Variants in MGAT4C observed in about 807,000 individuals in gnomAD.
MGAT4C encodes the protein alpha-1,3-mannosyl-glycoprotein 4-beta-N-acetylglucosaminyltransferase C.
In MGAT4C, 19 loss-of-function variants were observed where a neutral mutation model predicts 40.1. The observed-to-expected ratio is 0.47, with a 90% CI of 0.33 to 0.70. The LOEUF (loss-of-function observed/expected upper bound fraction) is 0.70, where lower values mean the gene tolerates loss of function less well. Among genes scored for constraint, MGAT4C ranks in the 30% least tolerant of loss-of-function variants. The pLI, the probability that MGAT4C is intolerant of heterozygous loss-of-function variation, is 0.02. For synonymous variants in MGAT4C, 181 were observed against 187.1 expected, an observed-to-expected ratio of 0.97 and a Z score of 0.27; for missense variants, 491 against 563.2, an observed-to-expected ratio of 0.87 and a Z score of 1.30.
At position 86,484,450 on chromosome 12, in the gene MGAT4C, C is replaced by T. The variant is rs113485411; in HGVS notation, c.-228-49185G>A. On this transcript the variant is annotated intron_variant, in intron 2 of 7. Coordinates refer to the MGAT4C transcript ENST00000548651. ...TATGTGCACAGTACAGCCTCTGCTG[C>T]CCAACCTGGTGCTTTGCCTGCAGTC... Among the ~76,000 whole-genome samples the T allele has an allele frequency of 3.3e-3, 501 of 152,358 alleles. 2 individuals are homozygous for T. The highest frequency in any genetic ancestry group is 0.012 in the African/African-American group (484 of 41,586).
At chr12:86,200,149 ATCTGGCTTTTGTTTTTTTTTGG>A (rs1949994957) in intron 1 of MGAT4C, among the ~76,000 whole-genome samples, 2 of 54,882 alleles carry the variant, frequency 3.6e-5, no homozygotes, top group Admixed American at 1.5e-4. Context: ...TTTTTTTTTG[ATCTGGCTTTTGTTTTTTTTTGG>A]TCTGGCTTTT....
Position 86,655,203 on chromosome 12 carries a change from C to T in MGAT4C, c.-229+72006G>A, listed in dbSNP as rs558302760. Among the ~76,000 whole-genome samples, 16 of 151,950 alleles carry T rather than the reference C, an allele frequency of 1.1e-4. No homozygotes were observed. The South Asian group carries it at 2.1e-3, about 20-fold the overall frequency. ...CTCCCCCTGTCCCCCAGCCCCCAAT[C>T]GGCCCGGGTGTGTGATGTTCCCTGC... On this transcript the variant is annotated intron_variant, in intron 2 of 7. Transcript: ENST00000548651.
Position 86,758,062 on chromosome 12 carries a change from G to A in MGAT4C, c.-261-30821C>T, listed in dbSNP as rs998114438. On this transcript the variant is annotated intron_variant, in intron 1 of 7. Coordinates refer to the MGAT4C transcript ENST00000548651. ...TTTTCCAAAGAACATATTATATTGAGCACAATCCATGGGACACTTTACATT... is the reference window on the plus strand; with the variant it reads ...TTTTCCAAAGAACATATTATATTGAACACAATCCATGGGACACTTTACATT... Among the ~76,000 whole-genome samples the A allele has an allele frequency of 3.9e-5, 6 of 152,040 alleles. No homozygotes were observed. The East Asian group carries it at 1.2e-3, about 29-fold the overall frequency.
intron 2 of MGAT4C, among the ~76,000 whole-genome samples, chr12:86,686,620 T>C (rs1402379284): frequency 6.6e-6 from 1 of 152,216 alleles, no homozygotes; most frequent in African/African-American, 2.4e-5. Context: ...TGGTTCTGTG[T>C]CCGTGATGGA....
intron 2 of MGAT4C, among the ~76,000 whole-genome samples, chr12:85,999,843 T>A (rs1158737471): frequency 6.6e-6 from 1 of 151,684 alleles, no homozygotes; most frequent in Admixed American, 6.6e-5. Flanking sequence ...AAGCAGAGAG[T>A]AGAATAGTGA....
At chr12:86,467,973 A>G (rs1300044684) in intron 2 of MGAT4C, among the ~76,000 whole-genome samples, 1 of 152,106 alleles carries the variant, frequency 6.6e-6, no homozygotes, top group East Asian at 1.9e-4. Context: ...ATCATTAATA[A>G]TGTTGGAATA....
intron 1 of MGAT4C, among the ~76,000 whole-genome samples, chr12:86,808,258 T>C (rs914844918): frequency 2.6e-5 from 4 of 152,032 alleles, no homozygotes; most frequent in African/African-American, 9.7e-5. Context: ...AAGGAGAGAC[T>C]CCTCTCTAAC....
At position 85,975,757 on chromosome 12, in the gene MGAT4C, T is replaced by C. The variant is rs1056609925; in HGVS notation, c.*3532A>G. The C allele has an allele frequency of 1.3e-5, 2 of 150,922 alleles. No homozygotes were observed. The highest frequency in any genetic ancestry group is 4.8e-5 in the African/African-American group (2 of 41,340). 9.3% of individuals were successfully genotyped at this position (150,922 alleles called of 1,614,324 possible). ...CTTACAAGAAACCCCCCAAAATCAG[T>C]TGAATTTGTACAAAACGGTAAATCA... On this transcript the variant is annotated 3_prime_UTR_variant, in exon 5 of 5. Transcript: ENST00000611864.
rs112635261 is a variant in MGAT4C, at chr12:86,496,439, A to G, written c.-228-61174T>C. Reference sequence around the variant, plus strand: ...AAGAAAAAAATAAGCTCTCACAGGAAAATACTGAGATTCACTTTCTCAATC... The same window carrying G: ...AAGAAAAAAATAAGCTCTCACAGGAGAATACTGAGATTCACTTTCTCAATC... On this transcript the variant is annotated intron_variant, in intron 2 of 7. Coordinates refer to the MGAT4C transcript ENST00000548651. Among the ~76,000 whole-genome samples the G allele has an allele frequency of 3.3e-3, 501 of 152,192 alleles. 2 individuals are homozygous for G. The highest frequency in any genetic ancestry group is 0.012 in the African/African-American group (484 of 41,566).
intron 3 of MGAT4C, among the ~76,000 whole-genome samples, chr12:86,365,098 G>A (rs920376849): frequency 6.6e-6 from 1 of 152,102 alleles, no homozygotes; most frequent in Admixed American, 6.5e-5. Context: ...CATAAAAGAC[G>A]GCCGCCCCCT....
chr12:86,664,364 C>CA (rs890288424), intron 2 of MGAT4C, among the ~76,000 whole-genome samples: 6 of 151,682 alleles, frequency 4.0e-5, no homozygotes, highest in East Asian at 1.9e-4. Flanking sequence ...TTTGAAAGCT[C>CA]AAAAAAATGA....
chr12:86,717,115 C>G (rs1313935049), intron 2 of MGAT4C, among the ~76,000 whole-genome samples: 2 of 151,652 alleles, frequency 1.3e-5, no homozygotes, highest in Non-Finnish European at 2.9e-5. Flanking sequence ...AAAGGACTTC[C>G]TCTGCCTTAG....
At chr12:86,316,679 G>C (rs1954241943) in intron 4 of MGAT4C, among the ~76,000 whole-genome samples, 1 of 152,174 alleles carries the variant, frequency 6.6e-6, no homozygotes, top group African/African-American at 2.4e-5. Flanking sequence ...TGGAATTAAA[G>C]ATGGCAACAA....
chr12:86,181,283 GA>G (rs1022482405), intron 1 of MGAT4C, among the ~76,000 whole-genome samples: 2 of 151,566 alleles, frequency 1.3e-5, no homozygotes, highest in African/African-American at 2.4e-5. Context: ...TTAGCAGCAT[GA>G]AAAAAAACTA....
chr12:86,004,210 T>C (rs1414131591), intron 2 of MGAT4C, among the ~76,000 whole-genome samples: 1 of 152,138 alleles, frequency 6.6e-6, no homozygotes, highest in Non-Finnish European at 1.5e-5. Flanking sequence ...CACTTTCAAA[T>C]AAGAAAAGAT....
intron 2 of MGAT4C, among the ~76,000 whole-genome samples, chr12:86,557,950 G>T (rs1449346906): frequency 6.6e-6 from 1 of 151,522 alleles, no homozygotes; most frequent in Non-Finnish European, 1.5e-5. Flanking sequence ...AAAGAACACA[G>T]ATAAACCATA....
At chr12:86,772,274 T>C (rs1326646926) in intron 1 of MGAT4C, among the ~76,000 whole-genome samples, 2 of 152,196 alleles carry the variant, frequency 1.3e-5, no homozygotes, top group Non-Finnish European at 2.9e-5. Flanking sequence ...GTGAATTGCA[T>C]GGTAGGCCAG....
At chr12:86,107,089 A>G (rs1022980783) in intron 1 of MGAT4C, among the ~76,000 whole-genome samples, 2 of 152,178 alleles carry the variant, frequency 1.3e-5, no homozygotes, top group Non-Finnish European at 2.9e-5. Flanking sequence ...AAAAAGCTAA[A>G]AAAAAGCTTT....
chr12:86,483,084 G>A (rs1957962344), intron 2 of MGAT4C, among the ~76,000 whole-genome samples: 1 of 152,194 alleles, frequency 6.6e-6, no homozygotes, highest in South Asian at 2.1e-4. Context: ...TGACGTCTGA[G>A]AAGTTCAATA....
Sources: gnomAD v4.1 joint callset for allele counts (sites outside exome capture counted in the v4.1 genomes callset) on GRCh38, gnomAD v4.1.1 for gene constraint, MANE v1.5 for transcripts, NCBI Gene and HGNC (gene_info 2026-07-23, HGNC 2026-07-21) for gene names.